ZC3H3: variants seen among roughly 807,000 people sequenced by gnomAD.
ZC3H3 encodes zinc finger CCCH domain-containing protein 3.
Under a neutral mutation model 77.3 loss-of-function variants are expected in ZC3H3, and 36 were observed. That is an observed-to-expected ratio of 0.47 (90% CI 0.36 to 0.61). The LOEUF is 0.61. ZC3H3 is among the 20% of genes least tolerant of loss of function. The pLI, the probability that ZC3H3 is intolerant of heterozygous loss-of-function variation, is 0.00. For synonymous variants in ZC3H3, 626 were observed against 555.2 expected (o/e 1.13, Z -1.79); for missense variants, 1,331 against 1,312.2 (o/e 1.01, Z -0.22).
intron 4 of ZC3H3, among the ~76,000 whole-genome samples, chr8:143,498,807 G>A (rs1256317439): frequency 3.8e-5 from 5 of 131,824 alleles, no homozygotes; most frequent in African/African-American, 1.5e-4. Context: ...GCGGGGCGGA[G>A]GGGCACAGGG....
intron 3 of ZC3H3, among the ~76,000 whole-genome samples, chr8:143,518,996 T>C (rs1368546153): frequency 1.3e-5 from 2 of 152,220 alleles, no homozygotes; most frequent in Non-Finnish European, 2.9e-5. Context: ...CAGCAATGCC[T>C]GCCTCCCGGT....
At chr8:143,541,129 G>C (rs62523568) in intron 1 of ZC3H3, among the ~76,000 whole-genome samples, 20,810 of 152,176 alleles carry the variant, frequency 0.14, 1,581 homozygotes, top group Admixed American at 0.21. Flanking sequence ...GTTACTAAGC[G>C]ACGGCCCTGC....
intron 5 of ZC3H3, among the ~76,000 whole-genome samples, chr8:143,474,500 G>A (rs1820670537): frequency 6.6e-6 from 1 of 152,238 alleles, no homozygotes; most frequent in African/African-American, 2.4e-5. Flanking sequence ...GAAGCCCCTG[G>A]AGCCCAGAGA....
intron 4 of ZC3H3, among the ~76,000 whole-genome samples, chr8:143,478,391 G>A (rs1820804414): frequency 6.6e-6 from 1 of 152,230 alleles, no homozygotes; most frequent in South Asian, 2.1e-4. Flanking sequence ...CAGGGCCTCT[G>A]GGGGTCAGCA....
intron 9 of ZC3H3, among the ~76,000 whole-genome samples, chr8:143,463,175 G>T (rs921513273): frequency 6.6e-6 from 1 of 152,116 alleles, no homozygotes; most frequent in Admixed American, 6.5e-5. Flanking sequence ...AGTAGAGATG[G>T]GGTTTCACCA....
intron 9 of ZC3H3, among the ~76,000 whole-genome samples, chr8:143,457,119 C>G (rs61389553): frequency 0.029 from 4,434 of 152,198 alleles, 189 homozygotes; most frequent in African/African-American, 0.094. Flanking sequence ...TTACAGAGCA[C>G]CAACAACAGT....
At chr8:143,447,299 A>G (rs1819884334) in intron 9 of ZC3H3, among the ~76,000 whole-genome samples, 1 of 152,126 alleles carries the variant, frequency 6.6e-6, no homozygotes, top group African/African-American at 2.4e-5. Flanking sequence ...CCACTGTCCA[A>G]AATCAAAGCT....
intron 5 of ZC3H3, among the ~76,000 whole-genome samples, chr8:143,474,569 C>T (rs34668069): frequency 0.21 from 31,212 of 149,808 alleles, 3,335 homozygotes; most frequent in South Asian, 0.32. Context: ...CAGGGAGGTA[C>T]GCTTCCTGCC....
At chr8:143,441,147 T>A (rs1251646162) in intron 9 of ZC3H3, 27 bp from the exon 10 acceptor site, 7 of 1,383,742 alleles carry the variant, frequency 5.1e-6, no homozygotes, top group Non-Finnish European at 5.6e-6. Flanking sequence ...TGCAGGTGGG[T>A]GGGCCGGCTG....
rs199968243 is a variant in ZC3H3 at position 143,538,739 on chromosome 8, C to T, written c.628G>A (p.Asp210Asn). The T allele has an allele frequency of 1.9e-4, 313 of 1,609,892 alleles. No homozygotes were observed. The highest frequency in any genetic ancestry group is 2.6e-4 in the Non-Finnish European group (306 of 1,179,810). The change falls in exon 2 of 12, where the codon GAC becomes AAC. Residue 210 changes from aspartate (D) to asparagine (N), a missense_variant. Coordinates refer to ENST00000262577, the MANE Select transcript of ZC3H3 (RefSeq NM_015117.3). Reference sequence around the variant, plus strand: ...GTCCGGCGGGGCTCCCGGGGGCTGTCGCCCACACTGCCCACTGACTTCACC... The same window carrying T: ...GTCCGGCGGGGCTCCCGGGGGCTGTTGCCCACACTGCCCACTGACTTCACC... ...RMVKSVGSVG[D>N]SPREPRRTVS...
chr8:143,519,859 G>C (rs1822184889), intron 3 of ZC3H3, among the ~76,000 whole-genome samples: 1 of 152,194 alleles, frequency 6.6e-6, no homozygotes, highest in Non-Finnish European at 1.5e-5. Flanking sequence ...CAGTCCCAGA[G>C]GTGCCCTGCC....
chr8:143,488,845 A>C (rs965294041), intron 4 of ZC3H3, among the ~76,000 whole-genome samples: 1 of 152,400 alleles, frequency 6.6e-6, no homozygotes, highest in African/African-American at 2.4e-5. Flanking sequence ...CCATGAATCC[A>C]TAAGAAACAA....
intron 5 of ZC3H3, among the ~76,000 whole-genome samples, chr8:143,472,788 C>T (rs370840642): frequency 8.5e-5 from 13 of 152,334 alleles, no homozygotes; most frequent in South Asian, 4.1e-4. Flanking sequence ...CCGTGGGTCC[C>T]GCGGGTGCAC....
In ZC3H3 at chr8:143,538,686, C is replaced by A; in HGVS notation, c.681G>T (p.Lys227Asn). Reference sequence around the variant, plus strand: ...GCAGAGCGGAGGATGGGAAGCTCGCCTTGACGGCAATCACACTCTCACTGA... The same window carrying A: ...GCAGAGCGGAGGATGGGAAGCTCGCATTGACGGCAATCACACTCTCACTGA... ...RTVSESVIAVKASFPSSALPP... is the reference protein window; with the variant it reads ...RTVSESVIAVNASFPSSALPP... Residue 227 changes from lysine (K) to asparagine (N), a missense_variant, in exon 2 of 12, where the codon AAG becomes AAT. By Grantham distance (94) the Lys-to-Asn change is moderately conservative. Around this residue, in one of 3 missense-constraint regions of ZC3H3, gnomAD observed 978 missense variants for 915.5 expected, o/e 1.07. Transcript: ENST00000262577. 6.2e-7 allele frequency: 1 copy of A among 1,608,104 alleles called. No homozygotes were observed. The highest frequency in any genetic ancestry group is 8.5e-7 in the Non-Finnish European group (1 of 1,179,866).
At chr8:143,531,768 C>G (rs1332235601) in intron 3 of ZC3H3, among the ~76,000 whole-genome samples, 1 of 152,226 alleles carries the variant, frequency 6.6e-6, no homozygotes, top group Non-Finnish European at 1.5e-5. Flanking sequence ...TTTATATACT[C>G]TGTTCTTGGT....
At chr8:143,535,107 C>T (rs1190515323) in intron 3 of ZC3H3, among the ~76,000 whole-genome samples, 2 of 151,956 alleles carry the variant, frequency 1.3e-5, no homozygotes, top group Non-Finnish European at 2.9e-5. Context: ...TGCAATGGAA[C>T]GATCTCGGCT....
In ZC3H3 at chr8:143,536,432, G is replaced by A. The variant is rs745836454; in HGVS notation, c.1386C>T (p.Ser462=). 82 of 1,528,266 alleles carry A rather than the reference G, an allele frequency of 5.4e-5. 1 individual carries two copies. In the Middle Eastern group the frequency reaches 1.0e-3, roughly 19 times the overall value. 94.7% of individuals were successfully genotyped at this position (1,528,266 alleles called of 1,614,324 possible). A position where few individuals can be genotyped will look rare whatever the true frequency, so the allele number is the denominator to read the frequency against. ...TGGCGGTGGCGGCAGGTGAGGTGCC[G>A]CTTTTCTTGTCTCCAGGAAGGCTGT... ...SSTSLPGDKK[S]GTSPAATAKS... Residue 462 remains serine (S), a synonymous_variant, in exon 3 of 12, where the codon AGC becomes AGT. Transcript: ENST00000262577.
intron 4 of ZC3H3, chr8:143,484,839 G>A (rs1821007377): frequency 4.4e-6 from 2 of 452,368 alleles, no homozygotes; most frequent in African/African-American, 2.0e-5. Context: ...CCCACTCCCA[G>A]GCCCTGGGAC....
intron 11 of ZC3H3, 83 bp downstream of exon 11, chr8:143,439,958 G>T: frequency 4.2e-6 from 5 of 1,188,918 alleles, no homozygotes; most frequent in Non-Finnish European, 5.6e-6. Flanking sequence ...GGGGGGCCCT[G>T]GGGGCCTGAG....
Sources: gnomAD v4.1 joint callset for allele counts (sites outside exome capture counted in the v4.1 genomes callset) on GRCh38, gnomAD v4.1.1 for gene constraint, gnomAD v4.1.1 regional missense constraint, MANE v1.5 for transcripts, NCBI Gene and HGNC (gene_info 2026-07-23, HGNC 2026-07-21) for gene names.